Variants in PHACTR2 observed in about 807,000 individuals in gnomAD.
PHACTR2 encodes chromosome 6 open reading frame 56.
A neutral mutation model predicts 76.0 loss-of-function variants in PHACTR2; 30 were observed. The observed-to-expected ratio is 0.39, with a 90% CI of 0.30 to 0.54. PHACTR2 has a LOEUF of 0.54. PHACTR2 is among the 20% of genes least tolerant of loss of function. The pLI is 0.61. For synonymous variants in PHACTR2, 292 were observed against 292.5 expected (o/e 1.00, Z 0.02); for missense variants, 696 against 781.1 (o/e 0.89, Z 1.30).
At position 143,771,046 on chromosome 6, in the gene PHACTR2, A is replaced by G. The variant is rs954992247; in HGVS notation, c.1233-1212A>G. Among the ~76,000 whole-genome samples, 106 of 143,112 alleles carry G rather than the reference A, an allele frequency of 7.4e-4. 1 individual carries two copies. The highest frequency in any genetic ancestry group is 2.5e-3 in the African/African-American group (98 of 39,436). The allele number at this position is 143,112 out of a possible 152,430, so 93.9% of individuals were successfully genotyped here. On this transcript the variant is annotated intron_variant, in intron 6 of 12. Transcript: ENST00000440869. ...CTGTTATGTTACAAGAGGCAGTTTT[A>G]AAAATGAAAACACACATAGGATAAA...
intron 1 of PHACTR2, among the ~76,000 whole-genome samples, chr6:143,650,859 G>A (rs1286676337): frequency 2.6e-5 from 4 of 151,896 alleles, no homozygotes; most frequent in African/African-American, 9.7e-5. Context: ...AAGAGCTTCT[G>A]AACAACAAAA....
chr6:143,694,612 G>A (rs76391538), intron 1 of PHACTR2, among the ~76,000 whole-genome samples: 9,540 of 152,156 alleles, frequency 0.063, 326 homozygotes, highest in Middle Eastern at 0.082. Flanking sequence ...TTTGAAATCC[G>A]CAGGGTGACA....
intron 2 of PHACTR2, among the ~76,000 whole-genome samples, chr6:143,732,916 G>A (rs563329036): frequency 6.6e-6 from 1 of 151,948 alleles, no homozygotes. Flanking sequence ...TTGAGACAGG[G>A]TCTTGCTCAT....
At position 143,646,675 on chromosome 6, in the gene PHACTR2, C is replaced by T. The variant is rs977754423; in HGVS notation, c.13+38353C>T. Among the ~76,000 whole-genome samples the T allele has an allele frequency of 6.6e-6, 1 of 152,086 alleles. No homozygotes were observed. The highest frequency in any genetic ancestry group is 2.4e-5 in the African/African-American group (1 of 41,406). ...TCAAGAAGGGCAGGTGTACTCTGAC[C>T]TCAGCTTTAAGTTTAACCAAATATA... On this transcript the variant is annotated intron_variant, in intron 1 of 11. Transcript: ENST00000305766. The surrounding 1 kb of genome is among the most constrained non-coding windows in gnomAD (Gnocchi z 4.1).
At chr6:143,594,252 C>A (rs9496695) in intron 1 of PHACTR2, among the ~76,000 whole-genome samples, 3,178 of 152,310 alleles carry the variant, frequency 0.021, 117 homozygotes, top group African/African-American at 0.069. Flanking sequence ...CAAAAGATCT[C>A]ATTATGTCTG....
At chr6:143,675,072 G>C (rs1292651383), upstream of PHACTR2, among the ~76,000 whole-genome samples, 2 of 152,308 alleles carry the variant, frequency 1.3e-5, no homozygotes, top group African/African-American at 4.8e-5. This position sits in a 1 kb window ranked among gnomAD's most constrained non-coding sequence, Gnocchi z 4.9. Context: ...AGCCAGTGAA[G>C]TCTGTGTTAC....
chr6:143,570,190 A>G lies in PHACTR2; in HGVS notation c.217+32983A>G, dbSNP rs1372780530. ...AGATCAGCATTCGTGGCATCATAACATTTAAGAATTTAAAATGTGTGCATG... is the reference window on the plus strand; with the variant it reads ...AGATCAGCATTCGTGGCATCATAACGTTTAAGAATTTAAAATGTGTGCATG... On this transcript the variant is annotated intron_variant, in intron 1 of 11. Transcript: ENST00000367584. The surrounding 1 kb of genome is among the most constrained non-coding windows in gnomAD (Gnocchi z 4.6). Among the ~76,000 whole-genome samples, 1 of 110,758 alleles carries G rather than the reference A, an allele frequency of 9.0e-6. No homozygotes were observed. Among genetic ancestry groups the G allele is most frequent in the Non-Finnish European group, 2.1e-5 (1 of 48,610 alleles). The allele number at this position is 110,758 out of a possible 152,430, so 72.7% of individuals were successfully genotyped here. A position where few individuals can be genotyped will look rare whatever the true frequency, so the allele number is the denominator to read the frequency against.
rs1317580740 is a variant in PHACTR2, at chr6:143,807,217, C to T, written c.1922+84C>T. 2 of 779,912 alleles carry T rather than the reference C, an allele frequency of 2.6e-6. No individual in the cohort carries two copies. The highest frequency in any genetic ancestry group is 1.8e-5 in the African/African-American group (1 of 56,950). 48.3% of individuals were successfully genotyped at this position (779,912 alleles called of 1,614,324 possible). A position where few individuals can be genotyped will look rare whatever the true frequency, so the allele number is the denominator to read the frequency against. On this transcript the variant is annotated intron_variant, in intron 12 of 12. Transcript: ENST00000440869. This position sits in a 1 kb window ranked among gnomAD's most constrained non-coding sequence, Gnocchi z 5.5. ...GTTGGTTAAAAAAAGAAATTGCTTA[C>T]AATGGTAAATTTTATGATAGGTATA... is the stretch of plus-strand genomic sequence containing the variant.
chr6:143,744,288 C>A (rs1779006569), intron 2 of PHACTR2, among the ~76,000 whole-genome samples: 1 of 152,178 alleles, frequency 6.6e-6, no homozygotes, highest in Non-Finnish European at 1.5e-5. Flanking sequence ...AAATTGAGGA[C>A]TGGGAAGGGG....
At chr6:143,666,516 T>A (rs1260144821) in intron 1 of PHACTR2, among the ~76,000 whole-genome samples, 1 of 152,234 alleles carries the variant, frequency 6.6e-6, no homozygotes, top group Admixed American at 6.5e-5. Context: ...CATTCCCATG[T>A]TTCCACAACC....
chr6:143,782,398 A>C lies in PHACTR2; in HGVS notation c.1646-821A>C, dbSNP rs1311633414. Among the ~76,000 whole-genome samples, 1 of 152,204 alleles carries C rather than the reference A, an allele frequency of 6.6e-6. No homozygotes were observed. The highest frequency in any genetic ancestry group is 2.4e-5 in the African/African-American group (1 of 41,454). The stretch of plus-strand genomic sequence containing the variant: ...TATCCAAGAAGCAAAATGTATGCTC[A>C]CTGATCAAACAGATGATCAGCTAAA... On this transcript the variant is annotated intron_variant, in intron 9 of 12. Transcript: ENST00000440869. The surrounding 1 kb of genome is among the most constrained non-coding windows in gnomAD (Gnocchi z 4.6).
rs374976673 is a variant in PHACTR2, at chr6:143,828,147, C to T, written c.*4458C>T. ...CCTGGGAGACAGAGCAAGACTCCAT[C>T]TCAAAATAATAATAATAGTAATAAT... On this transcript the variant is annotated 3_prime_UTR_variant, in exon 13 of 13. Transcript: ENST00000440869. This position sits in a 1 kb window ranked among gnomAD's most constrained non-coding sequence, Gnocchi z 4.7. 6 of 152,106 alleles carry T rather than the reference C, an allele frequency of 3.9e-5. No individual in the cohort carries two copies. In the East Asian group the frequency reaches 9.6e-4, roughly 24 times the overall value. The allele number at this position is 152,106 out of a possible 1,614,324, so 9.4% of individuals were successfully genotyped here.
chr6:143,724,752 A>C (rs747412118), intron 2 of PHACTR2, among the ~76,000 whole-genome samples: 1 of 152,200 alleles, frequency 6.6e-6, no homozygotes, highest in South Asian at 2.1e-4. Flanking sequence ...TGTGCCAGCT[A>C]TGTCAATCCC....
rs527523132 is a variant in PHACTR2, at chr6:143,722,190, T to C, written c.214+10007T>C. Among the ~76,000 whole-genome samples the C allele has an allele frequency of 9.5e-4, 144 of 152,318 alleles. 1 individual carries two copies. The highest frequency in any genetic ancestry group is 3.1e-3 in the African/African-American group (130 of 41,578). On this transcript the variant is annotated intron_variant, in intron 2 of 12. Coordinates refer to ENST00000440869, the MANE Select transcript of PHACTR2 (RefSeq NM_001100164.2). This position sits in a 1 kb window ranked among gnomAD's most constrained non-coding sequence, Gnocchi z 4.1. ...TATCACCCAGAGCCTCCTAACAGGG[T>C]GATCTGTTTTATTTTTTTATAACAA...
rs56876317 is a variant in PHACTR2 at position 143,738,782 on chromosome 6, G to A, written c.215-10203G>A. On this transcript the variant is annotated intron_variant, in intron 2 of 12. Coordinates refer to ENST00000440869, the MANE Select transcript of PHACTR2 (RefSeq NM_001100164.2). This position sits in a 1 kb window ranked among gnomAD's most constrained non-coding sequence, Gnocchi z 4.0. ...AAAAAAAAAGAAAGAAAGAAAGAAA[G>A]AAAATTAAATGAATGGAAATGTCTT... is the stretch of plus-strand genomic sequence containing the variant. Among the ~76,000 whole-genome samples the A allele has an allele frequency of 0.037, 5,618 of 151,952 alleles. 327 individuals are homozygous for A. Among genetic ancestry groups the A allele is most frequent in the African/African-American group, 0.12 (4,802 of 41,456 alleles).
chr6:143,611,721 T>A lies in PHACTR2; in HGVS notation c.13+3399T>A, dbSNP rs1158900744. ...AGGTTGCTTTATGAACAAATAAATA[T>A]ATGCTCCAGCAGCGTGGCTCTGAAA... On this transcript the variant is annotated intron_variant, in intron 1 of 11. Coordinates refer to the PHACTR2 transcript ENST00000305766. The surrounding 1 kb of genome is among the most constrained non-coding windows in gnomAD (Gnocchi z 4.4). Among the ~76,000 whole-genome samples, 1 of 152,176 alleles carries A rather than the reference T, an allele frequency of 6.6e-6. No homozygotes were observed. The highest frequency in any genetic ancestry group is 2.4e-5 in the African/African-American group (1 of 41,448).
rs1265353599 is a variant in PHACTR2 at position 143,641,867 on chromosome 6, A to G, written c.13+33545A>G. Among the ~76,000 whole-genome samples the G allele has an allele frequency of 6.6e-6, 1 of 152,182 alleles. No individual in the cohort carries two copies. The highest frequency in any genetic ancestry group is 1.9e-4 in the East Asian group (1 of 5,188). On this transcript the variant is annotated intron_variant, in intron 1 of 11. Coordinates refer to the PHACTR2 transcript ENST00000305766. This position sits in a 1 kb window ranked among gnomAD's most constrained non-coding sequence, Gnocchi z 5.8. ...ATTTGTCATGACAGCCACAAGAAGC[A>G]AATACAAGCAGCTGAGATGAAATGG...
chr6:143,737,521 C>G (rs867608032), intron 2 of PHACTR2, among the ~76,000 whole-genome samples: 5 of 151,986 alleles, frequency 3.3e-5, no homozygotes, highest in African/African-American at 9.7e-5. Context: ...CATTTCATAG[C>G]CTTTCAGTCT....
chr6:143,823,755 C>G lies in PHACTR2; in HGVS notation c.*66C>G, dbSNP rs772393879. The G allele has an allele frequency of 7.3e-6, 9 of 1,231,668 alleles. No individual in the cohort carries two copies. The highest frequency in any genetic ancestry group is 1.1e-5 in the Non-Finnish European group (9 of 832,018). The allele number at this position is 1,231,668 out of a possible 1,614,324, so 76.3% of individuals were successfully genotyped here. A position where few individuals can be genotyped will look rare whatever the true frequency, so the allele number is the denominator to read the frequency against. Reference sequence around the variant, plus strand: ...TGGGGGAAGCCCTGCTTCCTGAAAACCTGATATTGCACTGGGATTTGAATG... The same window carrying G: ...TGGGGGAAGCCCTGCTTCCTGAAAAGCTGATATTGCACTGGGATTTGAATG... On this transcript the variant is annotated 3_prime_UTR_variant, in exon 13 of 13. Coordinates refer to ENST00000440869, the MANE Select transcript of PHACTR2 (RefSeq NM_001100164.2). This position sits in a 1 kb window ranked among gnomAD's most constrained non-coding sequence, Gnocchi z 5.7.
Sources: gnomAD v4.1 joint callset for allele counts (sites outside exome capture counted in the v4.1 genomes callset) on GRCh38, gnomAD v4.1.1 for gene constraint, Gnocchi (gnomAD v3.1) non-coding constraint, MANE v1.5 for transcripts, NCBI Gene and HGNC (gene_info 2026-07-23, HGNC 2026-07-21) for gene names.